The following ESRRG variants were observed in gnomAD, a reference collection of about 807,000 sequenced individuals.
ESRRG encodes estrogen related receptor gamma, also known as estrogen-related receptor gamma.
A neutral mutation model predicts 44.0 loss-of-function variants in ESRRG; 13 were observed. The ratio of observed to expected loss-of-function variants is 0.30; its 90% CI spans 0.19 to 0.47. The LOEUF is 0.47. ESRRG is among the 20% of genes least tolerant of loss of function. The pLI, the probability that ESRRG is intolerant of heterozygous loss-of-function variation, is 1.00. For synonymous variants in ESRRG, 215 were observed against 214.6 expected, an observed-to-expected ratio of 1.00 and a Z score of -0.02; for missense variants, 395 against 580.6, an observed-to-expected ratio of 0.68 and a Z score of 3.29.
chr1:217,026,904 CACACACACAGAG>C (rs2081262416), intron 1 of ESRRG, among the ~76,000 whole-genome samples: 1 of 80,502 alleles, frequency 1.2e-5, no homozygotes, highest in Non-Finnish European at 2.7e-5. Context: ...CACACACACA[CACACACACAGAG>C]AGAGAGAGAG....
intron 1 of ESRRG, among the ~76,000 whole-genome samples, chr1:217,124,161 C>A (rs1463102365): frequency 6.6e-6 from 1 of 152,162 alleles, no homozygotes; most frequent in Non-Finnish European, 1.5e-5. Context: ...GCATTTAACT[C>A]CTCTTTGTTC....
intron 2 of ESRRG, among the ~76,000 whole-genome samples, chr1:216,730,691 G>A (rs968907771): frequency 8.5e-5 from 13 of 152,252 alleles, no homozygotes; most frequent in African/African-American, 2.9e-4. Context: ...AAGGGAGGCT[G>A]CCAAATTTAA....
At chr1:216,518,869 T>G (rs966271043) in intron 6 of ESRRG, among the ~76,000 whole-genome samples, 7 of 152,224 alleles carry the variant, frequency 4.6e-5, no homozygotes, top group Admixed American at 4.6e-4. Context: ...TGTCCATTTA[T>G]GCTATTACTA....
intron 2 of ESRRG, among the ~76,000 whole-genome samples, chr1:216,667,287 C>T (rs1051097101): frequency 4.6e-5 from 7 of 152,054 alleles, no homozygotes; most frequent in South Asian, 2.1e-4. Flanking sequence ...GAATTACATC[C>T]GTATTTTTTT....
intron 1 of ESRRG, among the ~76,000 whole-genome samples, chr1:217,114,777 C>G (rs2102474292): frequency 6.6e-6 from 1 of 151,648 alleles, no homozygotes; most frequent in East Asian, 1.9e-4. Context: ...CTGCCTCAGC[C>G]TCCCGAGTAG....
intron 2 of ESRRG, among the ~76,000 whole-genome samples, chr1:216,651,963 C>T (rs1256631900): frequency 1.3e-5 from 2 of 152,072 alleles, no homozygotes; most frequent in Non-Finnish European, 1.5e-5. Context: ...CTGCCTACAG[C>T]TTTGTAAAGA....
chr1:216,728,678 C>CA (rs948262278), intron 2 of ESRRG, among the ~76,000 whole-genome samples: 11 of 150,600 alleles, frequency 7.3e-5, no homozygotes, highest in African/African-American at 2.4e-4. Flanking sequence ...CATAAAACAT[C>CA]AAAAAAAAGC....
intron 3 of ESRRG, among the ~76,000 whole-genome samples, chr1:216,596,674 G>T (rs1169051258): frequency 6.6e-6 from 1 of 152,200 alleles, no homozygotes; most frequent in Non-Finnish European, 1.5e-5. Context: ...CGTTTCACAT[G>T]TGGGACAGAT....
intron 1 of ESRRG, among the ~76,000 whole-genome samples, chr1:216,949,003 C>T (rs1044488551): frequency 6.6e-6 from 1 of 152,156 alleles, no homozygotes; most frequent in Admixed American, 6.5e-5. Context: ...AAGGAGGCCT[C>T]TCCCCTGGGC....
chr1:216,978,433 G>A (rs942293935), intron 1 of ESRRG, among the ~76,000 whole-genome samples: 2 of 152,068 alleles, frequency 1.3e-5, no homozygotes, highest in Non-Finnish European at 2.9e-5. Context: ...GCCAAAATTG[G>A]TACTAAAACC....
intron 2 of ESRRG, among the ~76,000 whole-genome samples, chr1:216,771,836 A>G (rs758658997): frequency 6.8e-4 from 52 of 76,470 alleles, no homozygotes; most frequent in Non-Finnish European, 1.3e-3. Flanking sequence ...TTTTTTTTTG[A>G]AAGACATAGC....
intron 1 of ESRRG, among the ~76,000 whole-genome samples, chr1:216,717,883 G>A (rs1021569025): frequency 4.6e-5 from 7 of 151,820 alleles, no homozygotes; most frequent in Admixed American, 1.3e-4. Context: ...ACATTAAGAT[G>A]TATTTGTCAG....
intron 3 of ESRRG, among the ~76,000 whole-genome samples, chr1:216,616,957 T>A (rs568248187): frequency 3.3e-5 from 5 of 152,320 alleles, no homozygotes; most frequent in African/African-American, 1.2e-4. Context: ...CCTCAGGGTT[T>A]TTTCTTCTTT....
At chr1:216,562,873 C>A (rs917026608) in intron 5 of ESRRG, among the ~76,000 whole-genome samples, 8 of 152,106 alleles carry the variant, frequency 5.3e-5, no homozygotes, top group Admixed American at 2.6e-4. Context: ...AGTTTTCATA[C>A]ACTGTTGAAG....
intron 2 of ESRRG, among the ~76,000 whole-genome samples, chr1:216,789,114 C>T (rs1387429956): frequency 2.6e-5 from 4 of 152,160 alleles, no homozygotes; most frequent in African/African-American, 9.7e-5. Flanking sequence ...GATAAAGCAG[C>T]AGCAGGGTTG....
chr1:216,636,575 G>C (rs1249315585), intron 3 of ESRRG, among the ~76,000 whole-genome samples: 6 of 152,146 alleles, frequency 3.9e-5, no homozygotes, highest in Non-Finnish European at 8.8e-5. Context: ...GACTGTTTAA[G>C]AGTTCAGCTG....
chr1:216,652,093 A>G (rs796713848), intron 2 of ESRRG, among the ~76,000 whole-genome samples: 36 of 152,266 alleles, frequency 2.4e-4, no homozygotes, highest in African/African-American at 8.7e-4. Context: ...CTTAATGAAA[A>G]TGCATTCTGT....
intron 1 of ESRRG, among the ~76,000 whole-genome samples, chr1:217,057,377 A>G (rs1331393185): frequency 6.6e-6 from 1 of 152,214 alleles, no homozygotes; most frequent in East Asian, 1.9e-4. Flanking sequence ...GGTCAAGGTC[A>G]AATCCCATAG....
chr1:216,513,998 T>C (rs2043457676), intron 6 of ESRRG, among the ~76,000 whole-genome samples: 1 of 152,168 alleles, frequency 6.6e-6, no homozygotes, highest in Admixed American at 6.6e-5. Context: ...CAGAGTATTT[T>C]ATGTGCTTAT....
Sources: gnomAD v4.1 joint callset for allele counts (sites outside exome capture counted in the v4.1 genomes callset) on GRCh38, gnomAD v4.1.1 for gene constraint, MANE v1.5 for transcripts, NCBI Gene and HGNC (gene_info 2026-07-23, HGNC 2026-07-21) for gene names.